The following KATNIP variants were observed in gnomAD, a reference collection of about 807,000 sequenced individuals.
KATNIP encodes the protein katanin interacting protein.
In KATNIP, 126 loss-of-function variants were observed where a neutral mutation model predicts 174.0. The ratio of observed to expected loss-of-function variants is 0.72; its 90% CI spans 0.63 to 0.84. The LOEUF (loss-of-function observed/expected upper bound fraction) is 0.84, where lower values mean the gene tolerates loss of function less well. KATNIP is among the 40% of genes least tolerant of loss of function. The probability of loss-of-function intolerance (pLI) is 0.00; values close to 1 mark genes in which losing one functional copy is unlikely to be tolerated. For missense variants in KATNIP, 1,958 were observed against 2,109.7 expected (o/e 0.93, Z 1.41); for synonymous variants, 810 against 835.7 (o/e 0.97, Z 0.53).
chr16:27,591,231 C>G (rs1372072041), intron 2 of KATNIP, among the ~76,000 whole-genome samples: 1 of 151,588 alleles, frequency 6.6e-6, no homozygotes, highest in Non-Finnish European at 1.5e-5. Flanking sequence ...TGTCACCAGG[C>G]TGGAGTGCAG....
intron 6 of KATNIP, among the ~76,000 whole-genome samples, chr16:27,649,189 A>G (rs1023413763): frequency 2.0e-5 from 3 of 152,244 alleles, no homozygotes; most frequent in Non-Finnish European, 4.4e-5. Context: ...CATGCACCTG[A>G]TAAATATTTC....
At chr16:27,557,122 G>A (rs2089661405) in intron 1 of KATNIP, among the ~76,000 whole-genome samples, 2 of 151,142 alleles carry the variant, frequency 1.3e-5, no homozygotes, top group Admixed American at 1.3e-4. Context: ...TACTATTCTT[G>A]ACATTTTTCT....
In KATNIP at chr16:27,586,049, G is replaced by A. The variant is rs180946637; in HGVS notation, c.63+12093G>A. The stretch of plus-strand genomic sequence containing the variant: ...CAGGAAACAGAGGTTGCAGTGAGCC[G>A]AGATCATGCCAATGCACTCCAGCCT... On this transcript the variant is annotated intron_variant, in intron 2 of 27. Coordinates refer to ENST00000261588, the MANE Select transcript of KATNIP (RefSeq NM_015202.5). Among the ~76,000 whole-genome samples the A allele has an allele frequency of 2.6e-4, 39 of 152,212 alleles. 1 individual carries two copies. Among genetic ancestry groups the A allele is most frequent in the Admixed American group, 1.4e-3 (21 of 15,280 alleles).
intron 5 of KATNIP, among the ~76,000 whole-genome samples, chr16:27,635,056 C>T (rs1275216643): frequency 6.6e-6 from 1 of 152,154 alleles, no homozygotes; most frequent in African/African-American, 2.4e-5. Context: ...AGATCCCGTT[C>T]TTCTGTGGGG....
intron 13 of KATNIP, among the ~76,000 whole-genome samples, chr16:27,714,005 C>G: frequency 6.6e-6 from 1 of 151,182 alleles, no homozygotes; most frequent in Non-Finnish European, 1.5e-5. Flanking sequence ...TCACACACCC[C>G]CGCCTCACAC....
intron 3 of KATNIP, among the ~76,000 whole-genome samples, chr16:27,625,908 G>A (rs1336824744): frequency 6.6e-6 from 1 of 150,406 alleles, no homozygotes; most frequent in Non-Finnish European, 1.5e-5. Context: ...GGAGTGCAGT[G>A]GCATGATCAT....
chr16:27,575,984 G>T (rs2090482899), intron 2 of KATNIP, among the ~76,000 whole-genome samples: 1 of 152,142 alleles, frequency 6.6e-6, no homozygotes, highest in Non-Finnish European at 1.5e-5. Context: ...GAGGAGCAGG[G>T]ATGGAAGTGA....
chr16:27,681,948 A>C (rs1428331205), intron 8 of KATNIP, among the ~76,000 whole-genome samples: 1 of 152,218 alleles, frequency 6.6e-6, no homozygotes, highest in Non-Finnish European at 1.5e-5. Flanking sequence ...AATGTCATCC[A>C]AAAATGCTCC....
intron 13 of KATNIP, among the ~76,000 whole-genome samples, chr16:27,710,051 T>C (rs2079505978): frequency 6.6e-6 from 1 of 152,114 alleles, no homozygotes; most frequent in South Asian, 2.1e-4. Context: ...AAACGTTGAA[T>C]GTTTCTTTCC....
In KATNIP at chr16:27,637,442, GA is replaced by G. The variant is rs2076669476; in HGVS notation, c.408+6282del. Among the ~76,000 whole-genome samples, 1 of 152,170 alleles carries G rather than the reference GA, an allele frequency of 6.6e-6. No individual in the cohort carries two copies. The highest frequency in any genetic ancestry group is 2.4e-5 in the African/African-American group (1 of 41,444). ...GGACCAAAGGCAAGCAAGGGAGTCG[GA>G]AGACAGTGCTACGAAGGAAGGACAG... On this transcript the variant is annotated intron_variant, in intron 5 of 27. Transcript: ENST00000261588. The surrounding 1 kb of genome is among the most constrained non-coding windows in gnomAD (Gnocchi z 4.7).
At chr16:27,639,992 A>C (rs1245651805) in intron 5 of KATNIP, among the ~76,000 whole-genome samples, 1 of 152,196 alleles carries the variant, frequency 6.6e-6, no homozygotes, top group Non-Finnish European at 1.5e-5. Flanking sequence ...CCACACAACC[A>C]TATGGGGCAG....
intron 22 of KATNIP, 80 bp from the exon 23 acceptor site, chr16:27,773,019 T>C (rs2082364136): frequency 2.6e-6 from 2 of 774,082 alleles, no homozygotes; most frequent in Non-Finnish European, 4.3e-6. Context: ...CCCAAAACAA[T>C]TCCTCTTATC....
chr16:27,728,040 A>C (rs1333044391), intron 14 of KATNIP, among the ~76,000 whole-genome samples: 2 of 152,034 alleles, frequency 1.3e-5, no homozygotes, highest in African/African-American at 4.8e-5. Flanking sequence ...AACCAAGACC[A>C]AACATGTCAA....
intron 13 of KATNIP, among the ~76,000 whole-genome samples, chr16:27,717,095 G>A (rs2079986007): frequency 6.6e-6 from 1 of 152,202 alleles, no homozygotes; most frequent in South Asian, 2.1e-4. Flanking sequence ...GCCCACCTCA[G>A]CCTCTCAAAG....
At chr16:27,565,481 G>A (rs1213683177) in intron 1 of KATNIP, among the ~76,000 whole-genome samples, 4 of 149,294 alleles carry the variant, frequency 2.7e-5, no homozygotes, top group African/African-American at 9.8e-5. Context: ...AAAAAAAAAA[G>A]GAAAGAAAAG....
intron 19 of KATNIP, among the ~76,000 whole-genome samples, chr16:27,765,665 A>C (rs2144101206): frequency 6.6e-6 from 1 of 152,368 alleles, no homozygotes. Context: ...AAATTTACAG[A>C]AAGTTTGGAA....
chr16:27,636,366 A>C (rs1175188178), intron 5 of KATNIP, among the ~76,000 whole-genome samples: 1 of 152,158 alleles, frequency 6.6e-6, no homozygotes, highest in African/African-American at 2.4e-5. Context: ...GTTTATTATC[A>C]GATTTAGGCT....
chr16:27,745,244 C>T (rs970941710), intron 15 of KATNIP, among the ~76,000 whole-genome samples: 17 of 152,232 alleles, frequency 1.1e-4, no homozygotes, highest in African/African-American at 4.1e-4. Context: ...TGTAGCCACT[C>T]ATCACAGGGG....
chr16:27,638,539 G>A (rs896099675), intron 5 of KATNIP, among the ~76,000 whole-genome samples: 1 of 152,168 alleles, frequency 6.6e-6, no homozygotes, highest in Non-Finnish European at 1.5e-5. Context: ...GAGTGGTCAA[G>A]GCAGCCAAGT....
Sources: gnomAD v4.1 joint callset for allele counts (sites outside exome capture counted in the v4.1 genomes callset) on GRCh38, gnomAD v4.1.1 for gene constraint, Gnocchi (gnomAD v3.1) non-coding constraint, MANE v1.5 for transcripts, NCBI Gene and HGNC (gene_info 2026-07-23, HGNC 2026-07-21) for gene names.